H2BC12: variants seen among roughly 807,000 people sequenced by gnomAD.
The protein encoded by H2BC12 is H2B clustered histone 12.
H2BC12 carries 6 observed loss-of-function variants against 6.3 expected under a neutral mutation model. That is an observed-to-expected ratio of 0.95 (90% CI 0.52 to 1.87). H2BC12 has a LOEUF of 1.87. Among genes scored for constraint, H2BC12 ranks in the 40% most tolerant of loss-of-function variants. The pLI is 0.01. For synonymous variants in H2BC12, 132 were observed against 78.5 expected, an observed-to-expected ratio of 1.68 and a Z score of -3.60; for missense variants, 119 against 178.4, an observed-to-expected ratio of 0.67 and a Z score of 1.90.
chr6:27,146,024 G>A (rs146064119), downstream of H2BC12, among the ~76,000 whole-genome samples: 12 of 152,256 alleles, frequency 7.9e-5, no homozygotes, highest in Admixed American at 2.6e-4. Context: ...ACGTTAGAAC[G>A]CCATTACATG....
chr6:27,145,862 T>C (rs1442367564), downstream of H2BC12, among the ~76,000 whole-genome samples: 3 of 152,112 alleles, frequency 2.0e-5, no homozygotes, highest in Non-Finnish European at 2.9e-5. Flanking sequence ...CGATGTCCCG[T>C]GGGCTGCAGA....
downstream of H2BC12, among the ~76,000 whole-genome samples, chr6:27,142,211 A>G (rs959769397): frequency 1.3e-5 from 2 of 152,228 alleles, no homozygotes; most frequent in East Asian, 1.9e-4. Context: ...TGTATTGACT[A>G]TATGCTGAAA....
At chr6:27,142,936 CATT>C (rs777723224), downstream of H2BC12, among the ~76,000 whole-genome samples, 15 of 151,960 alleles carry the variant, frequency 9.9e-5, no homozygotes, top group Non-Finnish European at 1.2e-4. Context: ...CACGTGGCCA[CATT>C]ATATTTCTAT....
At position 27,146,430 on chromosome 6, in the gene H2BC12, G is replaced by A. The variant is rs779411808; in HGVS notation, c.369C>T (p.Thr123=). 8.7e-6 allele frequency: 14 copies of A among 1,614,244 alleles called. No homozygotes were observed. In the Admixed American group the frequency reaches 2.3e-4, roughly 27 times the overall value. The stretch of plus-strand genomic sequence containing the variant: ...TTACTTGGCAAGTTTACTTAGCGCT[G>A]GTGTACTTGGTGACGGCCTTGGTGC... ...SEGTKAVTKY[T]SAK Residue 123 remains threonine, a synonymous_variant, in exon 1 of 1, where the codon ACC becomes ACT. Transcript: ENST00000356950.
the H2BC12 span, among the ~76,000 whole-genome samples, chr6:27,141,039 T>C: frequency 2.6e-5 from 4 of 150,958 alleles, no homozygotes; most frequent in African/African-American, 9.8e-5. Flanking sequence ...GCTACAGGCA[T>C]CAATCTGGGG....
In H2BC12 at chr6:27,146,779, G is replaced by A. The variant is rs776586709; in HGVS notation, c.20C>T (p.Ser7Phe). Residue 7 changes from serine to phenylalanine, a missense_variant, in exon 1 of 1, where the codon TCC becomes TTC. Coordinates refer to ENST00000356950, the MANE Select transcript of H2BC12 (RefSeq NM_001312653.2). ...CGAGCCCTTCTTGGGCGCGGGAGCG[G>A]ACTTCGCTGGTTCCGGCATGTTGAA... MPEPAKSAPAPKKGSKK... is the reference protein window; with the variant it reads MPEPAKFAPAPKKGSKK... 2.3e-5 allele frequency: 37 copies of A among 1,614,006 alleles called. No individual in the cohort carries two copies. Among genetic ancestry groups the A allele is most frequent in the Non-Finnish European group, 3.1e-5 (37 of 1,180,002 alleles).
chr6:27,146,209 C>CA (rs757115556), downstream of H2BC12, among the ~76,000 whole-genome samples: 4 of 152,234 alleles, frequency 2.6e-5, no homozygotes, highest in Non-Finnish European at 5.9e-5. Context: ...TCAGTACTAA[C>CA]AAAGTGTATG....
chr6:27,146,745 G>C lies in H2BC12; in HGVS notation c.54C>G (p.Ala18=), dbSNP rs143586338. The C allele has an allele frequency of 6.8e-6, 11 of 1,614,114 alleles. No homozygotes were observed. The African/African-American group carries it at 1.2e-4, about 18-fold the overall frequency. ...APAPKKGSKK[A]VTKAQKKDGK... ...CGTCCTTCTTCTGCGCCTTAGTCAC[G>C]GCTTTCTTCGAGCCCTTCTTGGGCG... is the stretch of plus-strand genomic sequence containing the variant. Residue 18 remains alanine, a synonymous_variant, in exon 1 of 1, where the codon GCC becomes GCG. Transcript: ENST00000356950.
At chr6:27,140,156 T>C in the H2BC12 span, among the ~76,000 whole-genome samples, 4 of 152,248 alleles carry the variant, frequency 2.6e-5, no homozygotes, top group African/African-American at 7.2e-5. Context: ...TTAGTAATAA[T>C]ATTCCTTTAT....
Position 27,146,579 on chromosome 6 carries a change from T to C in H2BC12, c.220A>G (p.Ile74Val). Residue 74 changes from isoleucine to valine, a missense_variant, in exon 1 of 1, where the codon ATC becomes GTC. Coordinates refer to ENST00000356950, the MANE Select transcript of H2BC12 (RefSeq NM_001312653.2). ...NSFVNDIFER[I>V]AGEASRLAHY... ...GCCAGGCGGGAAGCCTCACCCGCGA[T>C]GCGTTCGAAGATGTCGTTGACGAAG... is the stretch of plus-strand genomic sequence containing the variant. The C allele has an allele frequency of 6.2e-7, 1 of 1,614,242 alleles. No individual in the cohort carries two copies. Among genetic ancestry groups the C allele is most frequent in the Non-Finnish European group, 8.5e-7 (1 of 1,180,046 alleles).
In H2BC12 at chr6:27,146,398, A is replaced by T; in HGVS notation, c.*20T>A. Reference sequence around the variant, plus strand: ...AAAAGAGCCTTTGGGGTTGGGCTTTAAGACGCTTACTTGGCAAGTTTACTT... The same window carrying T: ...AAAAGAGCCTTTGGGGTTGGGCTTTTAGACGCTTACTTGGCAAGTTTACTT... On this transcript the variant is annotated 3_prime_UTR_variant, in exon 1 of 1. Transcript: ENST00000356950. 6.2e-7 allele frequency: 1 copy of T among 1,614,190 alleles called. No individual in the cohort carries two copies. The highest frequency in any genetic ancestry group is 8.5e-7 in the Non-Finnish European group (1 of 1,180,030).
At chr6:27,139,331 G>GT in the H2BC12 span, 2 of 1,612,544 alleles carry the variant, frequency 1.2e-6, no homozygotes, top group Non-Finnish European at 8.5e-7. Context: ...GGCAAAGGAG[G>GT]TAAGGGCCTG....
downstream of H2BC12, among the ~76,000 whole-genome samples, chr6:27,146,046 A>G (rs1053213177): frequency 2.6e-5 from 4 of 152,148 alleles, no homozygotes; most frequent in African/African-American, 9.7e-5. Context: ...TGGAAAGTAC[A>G]CGTGACACAA....
At chr6:27,145,750 A>G (rs1330720461), downstream of H2BC12, among the ~76,000 whole-genome samples, 1 of 152,142 alleles carries the variant, frequency 6.6e-6, no homozygotes, top group African/African-American at 2.4e-5. Context: ...TATTCCAAAA[A>G]TCTCCGTGAT....
downstream of H2BC12, among the ~76,000 whole-genome samples, chr6:27,142,553 T>G (rs978050796): frequency 6.7e-6 from 1 of 148,812 alleles, no homozygotes; most frequent in Non-Finnish European, 1.5e-5. Flanking sequence ...CTTGAGCCAC[T>G]GTGCCCAGAC....
At chr6:27,140,219 A>G in the H2BC12 span, among the ~76,000 whole-genome samples, 2,068 of 152,292 alleles carry the variant, frequency 0.014, 50 homozygotes, top group African/African-American at 0.045. Flanking sequence ...TGCGCTGGTG[A>G]CCACACCACT....
downstream of H2BC12, among the ~76,000 whole-genome samples, chr6:27,144,649 TAA>T (rs1760048701): frequency 6.7e-6 from 1 of 148,358 alleles, no homozygotes; most frequent in Non-Finnish European, 1.5e-5. Flanking sequence ...GTAAATTGTA[TAA>T]AATCAAGATG....
rs368790794 is a variant in H2BC12 at position 27,146,776 on chromosome 6, G to A, written c.23C>T (p.Ala8Val). Residue 8 changes from alanine (A) to valine (V), a missense_variant, in exon 1 of 1, where the codon GCT (alanine) becomes GTT (valine). Around this residue, in one of 2 missense-constraint regions of H2BC12, gnomAD observed 50 missense variants for 37.4 expected, o/e 1.34. Transcript: ENST00000356950. ...CTTCGAGCCCTTCTTGGGCGCGGGA[G>A]CGGACTTCGCTGGTTCCGGCATGTT... MPEPAKS[A>V]PAPKKGSKKA... The A allele has an allele frequency of 8.1e-6, 13 of 1,614,168 alleles. No individual in the cohort carries two copies. The African/African-American group carries it at 1.6e-4, about 20-fold the overall frequency.
At position 27,146,745 on chromosome 6, in the gene H2BC12, G is replaced by A. The variant is rs143586338; in HGVS notation, c.54C>T (p.Ala18=). 9.9e-5 allele frequency: 159 copies of A among 1,614,110 alleles called. No individual in the cohort carries two copies. The highest frequency in any genetic ancestry group is 8.0e-4 in the African/African-American group (60 of 74,944). ...CGTCCTTCTTCTGCGCCTTAGTCAC[G>A]GCTTTCTTCGAGCCCTTCTTGGGCG... ...APAPKKGSKK[A]VTKAQKKDGK... is the part of the protein sequence containing the mutation. The change falls in exon 1 of 1, where the codon GCC becomes GCT. Residue 18 remains alanine, a synonymous_variant. Coordinates refer to ENST00000356950, the MANE Select transcript of H2BC12 (RefSeq NM_001312653.2).
Sources: gnomAD v4.1 joint callset for allele counts (sites outside exome capture counted in the v4.1 genomes callset) on GRCh38, gnomAD v4.1.1 for gene constraint, gnomAD v4.1.1 regional missense constraint, MANE v1.5 for transcripts, NCBI Gene and HGNC (gene_info 2026-07-23, HGNC 2026-07-21) for gene names.